NALCN: variants seen among roughly 807,000 people sequenced by gnomAD.
NALCN encodes the protein sodium leak channel NALCN.
In NALCN, 111 loss-of-function variants were observed where a neutral mutation model predicts 225.3. That is an observed-to-expected ratio of 0.49 (90% confidence interval 0.42 to 0.58). The LOEUF (loss-of-function observed/expected upper bound fraction) is 0.58, where lower values mean the gene tolerates loss of function less well. NALCN is among the 20% of genes least tolerant of loss of function. NALCN has a pLI of 0.00. For missense variants in NALCN, 1,378 were observed against 2,202.4 expected, an observed-to-expected ratio of 0.63 and a Z score of 7.49; for synonymous variants, 764 against 769.0, an observed-to-expected ratio of 0.99 and a Z score of 0.11.
chr13:101,088,522 T>C (rs372071415), intron 30 of NALCN, among the ~76,000 whole-genome samples: 1 of 152,178 alleles, frequency 6.6e-6, no homozygotes, highest in East Asian at 1.9e-4. Flanking sequence ...TCTGGCCCTG[T>C]TTATCACACC....
chr13:101,209,242 A>G (rs938136651), intron 13 of NALCN, among the ~76,000 whole-genome samples: 2 of 152,230 alleles, frequency 1.3e-5, no homozygotes, highest in African/African-American at 4.8e-5. Flanking sequence ...ATAAAAAGCA[A>G]TCACATATAG....
At chr13:101,386,352 G>C (rs918910807) in intron 3 of NALCN, among the ~76,000 whole-genome samples, 8 of 152,176 alleles carry the variant, frequency 5.3e-5, no homozygotes, top group Non-Finnish European at 1.0e-4. Flanking sequence ...GTGCCTGTAT[G>C]TGCTAAGTCT....
intron 7 of NALCN, among the ~76,000 whole-genome samples, chr13:101,313,176 T>C (rs1258578265): frequency 4.6e-5 from 7 of 152,076 alleles, no homozygotes; most frequent in Non-Finnish European, 1.0e-4. Context: ...TATACAAAAA[T>C]TAATTCAAGA....
chr13:101,075,931 G>GTA lies in NALCN; in HGVS notation c.3894_3895dup (p.Thr1299IlefsTer4). 1.2e-6 allele frequency: 2 copies of GTA among 1,608,080 alleles called. No homozygotes were observed. Among genetic ancestry groups the GTA allele is most frequent in the Non-Finnish European group, 1.7e-6 (2 of 1,178,058 alleles). ...AATCACACAAGCGCCCATCATGTAA[G>GTA]TATATGCATTCTGAAATTTAAACAG... is the stretch of plus-strand genomic sequence containing the variant. On this transcript the variant is annotated frameshift_variant, in exon 35 of 44. Coordinates refer to ENST00000251127, the MANE Select transcript of NALCN (RefSeq NM_052867.4). LOFTEE classifies it high-confidence loss of function.
chr13:101,224,669 T>C (rs2041069151), intron 13 of NALCN, among the ~76,000 whole-genome samples: 1 of 152,112 alleles, frequency 6.6e-6, no homozygotes, highest in South Asian at 2.1e-4. Context: ...CAAAAGGAGC[T>C]TCCTTTTTTG....
intron 17 of NALCN, among the ~76,000 whole-genome samples, chr13:101,133,525 A>T (rs1300008223): frequency 6.6e-6 from 1 of 152,228 alleles, no homozygotes; most frequent in Non-Finnish European, 1.5e-5. Context: ...TCCCAAATAA[A>T]ATATAGTAAT....
chr13:101,187,757 A>G (rs2039509095), intron 14 of NALCN, among the ~76,000 whole-genome samples: 1 of 152,220 alleles, frequency 6.6e-6, no homozygotes, highest in Admixed American at 6.5e-5. Context: ...AGAACACAGG[A>G]ATTCTCAACT....
intron 43 of NALCN, among the ~76,000 whole-genome samples, chr13:101,056,767 C>G (rs147379176): frequency 6.6e-6 from 1 of 152,142 alleles, no homozygotes; most frequent in Non-Finnish European, 1.5e-5. Flanking sequence ...AGACAATTCC[C>G]TCCTTTGCTG....
intron 13 of NALCN, among the ~76,000 whole-genome samples, chr13:101,206,932 T>C (rs1179340902): frequency 6.6e-6 from 1 of 152,076 alleles, no homozygotes; most frequent in African/African-American, 2.4e-5. Flanking sequence ...AATTAGTCTA[T>C]AAAAATATAG....
intron 15 of NALCN, among the ~76,000 whole-genome samples, chr13:101,172,134 C>T (rs1483596046): frequency 6.6e-6 from 1 of 152,140 alleles, no homozygotes; most frequent in African/African-American, 2.4e-5. Context: ...ACCTCTGATG[C>T]ACACGGAGGT....
At chr13:101,267,736 G>A (rs943636327) in intron 10 of NALCN, among the ~76,000 whole-genome samples, 6 of 152,132 alleles carry the variant, frequency 3.9e-5, no homozygotes, top group African/African-American at 9.7e-5. Flanking sequence ...GTGGCTGACC[G>A]CAGAGGCAGG....
At chr13:101,404,950 G>A (rs2047574878) in intron 1 of NALCN, among the ~76,000 whole-genome samples, 1 of 152,182 alleles carries the variant, frequency 6.6e-6, no homozygotes, top group Middle Eastern at 3.2e-3. Flanking sequence ...ATTTGTATCT[G>A]AGAAAGGCAT....
At chr13:101,232,235 AG>A (rs1252973885) in intron 12 of NALCN, among the ~76,000 whole-genome samples, 1 of 152,106 alleles carries the variant, frequency 6.6e-6, no homozygotes, top group African/African-American at 2.4e-5. Context: ...TTTAACAGGA[AG>A]TATCAGTGGT....
intron 18 of NALCN, among the ~76,000 whole-genome samples, chr13:101,113,403 C>T (rs983308834): frequency 5.3e-5 from 8 of 152,164 alleles, no homozygotes; most frequent in African/African-American, 1.9e-4. Context: ...ATGAAACAGC[C>T]TTGTACAGCC....
At chr13:101,210,851 A>G (rs12875932) in intron 13 of NALCN, among the ~76,000 whole-genome samples, 41,225 of 152,058 alleles carry the variant, frequency 0.27, 6,611 homozygotes, top group Non-Finnish European at 0.37. Context: ...CTTCCTACCA[A>G]TCCTCTAAGT....
At chr13:101,087,633 T>A (rs1187631370) in intron 30 of NALCN, among the ~76,000 whole-genome samples, 1 of 152,172 alleles carries the variant, frequency 6.6e-6, no homozygotes, top group East Asian at 1.9e-4. Flanking sequence ...TTTGAGCTGA[T>A]AGAACATACG....
intron 9 of NALCN, among the ~76,000 whole-genome samples, chr13:101,287,076 TA>T (rs1362014526): frequency 6.6e-6 from 1 of 152,222 alleles, no homozygotes; most frequent in African/African-American, 2.4e-5. Context: ...AAAATTGCCA[TA>T]ATGCCTCATA....
intron 28 of NALCN, among the ~76,000 whole-genome samples, chr13:101,095,153 T>C (rs1021460213): frequency 1.3e-5 from 2 of 152,214 alleles, no homozygotes; most frequent in Non-Finnish European, 2.9e-5. Context: ...TCCTTCAGTG[T>C]AAATGGGTTT....
intron 15 of NALCN, among the ~76,000 whole-genome samples, chr13:101,162,470 A>G (rs186144437): frequency 5.4e-4 from 82 of 152,338 alleles, no homozygotes; most frequent in Non-Finnish European, 9.3e-4. Context: ...GAATCAGGGC[A>G]ATGACTCCAG....
Sources: gnomAD v4.1 joint callset for allele counts (sites outside exome capture counted in the v4.1 genomes callset) on GRCh38, gnomAD v4.1.1 for gene constraint, MANE v1.5 for transcripts, NCBI Gene and HGNC (gene_info 2026-07-23, HGNC 2026-07-21) for gene names.